STXBP5: variants seen among roughly 807,000 people sequenced by gnomAD.
STXBP5 encodes syntaxin-binding protein 5.
A neutral mutation model predicts 152.4 loss-of-function variants in STXBP5; 50 were observed. The observed-to-expected ratio is 0.33, with a 90% CI of 0.26 to 0.42. The LOEUF (loss-of-function observed/expected upper bound fraction) is 0.42, where lower values mean the gene tolerates loss of function less well. Among genes scored for constraint, STXBP5 ranks in the 10% least tolerant of loss-of-function variants. The pLI is 1.00. For missense variants in STXBP5, 1,167 were observed against 1,388.6 expected (o/e 0.84, Z 2.54); for synonymous variants, 492 against 494.7 (o/e 0.99, Z 0.07).
intron 16 of STXBP5, among the ~76,000 whole-genome samples, chr6:147,320,459 G>T (rs142251783): frequency 0.011 from 1,637 of 152,158 alleles, 9 homozygotes; most frequent in Middle Eastern, 0.024. Flanking sequence ...CCATTCCTGG[G>T]ATAGAGTTAG....
chr6:147,261,856 A>G (rs1779654862), intron 5 of STXBP5, among the ~76,000 whole-genome samples: 1 of 151,918 alleles, frequency 6.6e-6, no homozygotes, highest in Admixed American at 6.6e-5. Flanking sequence ...CTCTGAGCAG[A>G]TATAGGTGGC....
intron 25 of STXBP5, among the ~76,000 whole-genome samples, chr6:147,367,806 A>G (rs956483361): frequency 6.6e-6 from 1 of 152,188 alleles, no homozygotes; most frequent in Non-Finnish European, 1.5e-5. Flanking sequence ...GTTATAAACT[A>G]TTAATATCAG....
In STXBP5 at chr6:147,364,057, G is replaced by A. The variant is rs539017052; in HGVS notation, c.2972G>A (p.Arg991Gln). 2 of 1,613,718 alleles carry A rather than the reference G, an allele frequency of 1.2e-6. No homozygotes were observed. The highest frequency in any genetic ancestry group is 1.7e-6 in the Non-Finnish European group (2 of 1,179,956). ...DVYYLPLTNM[R>Q]IARTFCFTNN... is the part of the protein sequence containing the mutation. Reference sequence around the variant, plus strand: ...TATTACTTGCCCCTTACCAATATGCGGATAGCCAGAACGTTCTGCTTTACC... The same window carrying A: ...TATTACTTGCCCCTTACCAATATGCAGATAGCCAGAACGTTCTGCTTTACC... Residue 991 changes from arginine (R) to glutamine (Q), a missense_variant, in exon 25 of 28, where the codon CGG (arginine) becomes CAG (glutamine). Coordinates refer to ENST00000321680, the MANE Select transcript of STXBP5 (RefSeq NM_001127715.4).
At chr6:147,269,210 A>G (rs1057294588) in intron 7 of STXBP5, among the ~76,000 whole-genome samples, 1 of 152,220 alleles carries the variant, frequency 6.6e-6, no homozygotes, top group African/African-American at 2.4e-5. Flanking sequence ...CACATTCCCA[A>G]CAGAGTAGAG....
At chr6:147,320,502 T>A (rs1427373244) in intron 16 of STXBP5, among the ~76,000 whole-genome samples, 3 of 151,592 alleles carry the variant, frequency 2.0e-5, no homozygotes, top group African/African-American at 7.3e-5. Flanking sequence ...GGAGTTCCAC[T>A]GACACTCAAG....
At chr6:147,277,978 G>A in intron 7 of STXBP5, 103 bp from the exon 8 acceptor site, 1 of 1,050,858 alleles carries the variant, frequency 9.5e-7, no homozygotes, top group Non-Finnish European at 1.3e-6. Flanking sequence ...TTAACCTTAG[G>A]AAATAAAGAA....
rs562524600 is a variant in STXBP5 at position 147,332,584 on chromosome 6, G to A, written c.2081-1573G>A. On this transcript the variant is annotated intron_variant, in intron 18 of 27. Coordinates refer to ENST00000321680, the MANE Select transcript of STXBP5 (RefSeq NM_001127715.4). The stretch of plus-strand genomic sequence containing the variant: ...CAAGGAACAATGAGGAGTCAGTGTG[G>A]CTGGAGAAGAGAGAGTACCAGTGGT... Among the ~76,000 whole-genome samples the A allele has an allele frequency of 5.3e-5, 8 of 152,294 alleles. No homozygotes were observed. In the East Asian group the frequency reaches 1.5e-3, roughly 29 times the overall value.
chr6:147,214,618 T>C (rs896504245), intron 2 of STXBP5, among the ~76,000 whole-genome samples: 4 of 152,238 alleles, frequency 2.6e-5, no homozygotes, highest in African/African-American at 9.6e-5. Context: ...TATTTAGCCA[T>C]CTTTTTCTTA....
Position 147,204,484 on chromosome 6 carries a change from G to C in STXBP5, c.-49G>C. 1 of 1,594,522 alleles carries C rather than the reference G, an allele frequency of 6.3e-7. No homozygotes were observed. Among genetic ancestry groups the C allele is most frequent in the Non-Finnish European group, 8.5e-7 (1 of 1,172,292 alleles). On this transcript the variant is annotated 5_prime_UTR_variant, in exon 1 of 28. Transcript: ENST00000321680. This position sits in a 1 kb window ranked among gnomAD's most constrained non-coding sequence, Gnocchi z 4.3. ...CCCCGGGTGGTCTCCCCCGCCCGGG[G>C]ACCCCCTGTGCCTCCCCTCCCGGGC... is the stretch of plus-strand genomic sequence containing the variant.
intron 16 of STXBP5, among the ~76,000 whole-genome samples, chr6:147,317,339 A>G (rs1782695348): frequency 6.6e-6 from 1 of 152,214 alleles, no homozygotes; most frequent in African/African-American, 2.4e-5. Context: ...TTTTTATATT[A>G]CAATCATTTT....
At chr6:147,355,453 T>C (rs1202768480) in intron 22 of STXBP5, among the ~76,000 whole-genome samples, 2 of 152,180 alleles carry the variant, frequency 1.3e-5, no homozygotes, top group Admixed American at 6.6e-5. Flanking sequence ...ACAAATTTTG[T>C]CTGAGTTTAG....
At chr6:147,216,586 A>G (rs1381402030) in intron 2 of STXBP5, among the ~76,000 whole-genome samples, 1 of 152,192 alleles carries the variant, frequency 6.6e-6, no homozygotes, top group Non-Finnish European at 1.5e-5. Flanking sequence ...TCTTTGCATT[A>G]TCCAGTAGCA....
intron 7 of STXBP5, among the ~76,000 whole-genome samples, chr6:147,273,195 T>TTAAAAAAAAAAAA (rs773078782): frequency 7.7e-6 from 1 of 129,318 alleles, no homozygotes; most frequent in Non-Finnish European, 1.6e-5. Flanking sequence ...TCTAAAAAAG[T>TTAAAAAAAAAAAA]AAAAAAAAAA....
chr6:147,263,544 C>T (rs1396374628), intron 6 of STXBP5, among the ~76,000 whole-genome samples: 3 of 151,732 alleles, frequency 2.0e-5, no homozygotes, highest in Non-Finnish European at 2.9e-5. Context: ...TTCAGTGGGT[C>T]TGTAGTATCT....
intron 21 of STXBP5, among the ~76,000 whole-genome samples, chr6:147,351,013 G>A (rs1055350986): frequency 6.6e-6 from 1 of 152,104 alleles, no homozygotes. Context: ...ATTCTTCCAC[G>A]TTTATTGAGG....
chr6:147,270,623 T>C (rs911595492), intron 7 of STXBP5, among the ~76,000 whole-genome samples: 1 of 152,014 alleles, frequency 6.6e-6, no homozygotes. Flanking sequence ...TAAGATATGT[T>C]AAAAGAAGTC....
intron 25 of STXBP5, among the ~76,000 whole-genome samples, chr6:147,369,858 G>A (rs1785462323): frequency 1.3e-5 from 2 of 151,820 alleles, no homozygotes; most frequent in Admixed American, 6.6e-5. Context: ...TAACCACTTT[G>A]GAAAACAATT....
At chr6:147,301,325 G>A (rs540720405) in intron 9 of STXBP5, among the ~76,000 whole-genome samples, 13 of 152,246 alleles carry the variant, frequency 8.5e-5, no homozygotes, top group Admixed American at 7.8e-4. Flanking sequence ...AAATCAGTAT[G>A]TTGAAGCAAT....
Position 147,339,402 on chromosome 6 carries a change from C to A in STXBP5, c.2254+18C>A, listed in dbSNP as rs1382384999. ...TGATATAGGTAGGAAATAGAAATTT[C>A]TATTTTGTTTCTAATCCTTGCTATA... On this transcript the variant is annotated intron_variant, in intron 21 of 27. Coordinates refer to ENST00000321680, the MANE Select transcript of STXBP5 (RefSeq NM_001127715.4). 4.1e-6 allele frequency: 6 copies of A among 1,475,820 alleles called. No homozygotes were observed. The highest frequency in any genetic ancestry group is 2.9e-5 in the South Asian group (2 of 69,488). The allele number at this position is 1,475,820 out of a possible 1,614,324, so 91.4% of individuals were successfully genotyped here.
Sources: allele counts gnomAD v4.1 joint callset (sites outside exome capture counted in the v4.1 genomes callset), GRCh38; gene constraint gnomAD v4.1.1; non-coding constraint Gnocchi (gnomAD v3.1); transcripts MANE v1.5; gene names NCBI Gene and HGNC (gene_info 2026-07-23, HGNC 2026-07-21).